The following SEC14L5 variants were observed in gnomAD, a reference collection of about 807,000 sequenced individuals.
SEC14L5 encodes SEC14-like protein 5.
In SEC14L5, 96 loss-of-function variants were observed where a neutral mutation model predicts 84.6. The ratio of observed to expected loss-of-function variants is 1.13; its 90% CI spans 0.96 to 1.34. The LOEUF is 1.34. Among genes scored for constraint, SEC14L5 ranks in the 40% most tolerant of loss-of-function variants. SEC14L5 has a pLI of 0.00. For synonymous variants in SEC14L5, 546 were observed against 383.4 expected (o/e 1.42, Z -4.95); for missense variants, 1,224 against 942.5 (o/e 1.30, Z -3.91).
At chr16:4,977,155 A>G (rs2142489953) in intron 2 of SEC14L5, among the ~76,000 whole-genome samples, 1 of 152,312 alleles carries the variant, frequency 6.6e-6, no homozygotes, top group Admixed American at 6.5e-5. Context: ...ATACAAAAAG[A>G]AACCTGCAGG....
intron 3 of SEC14L5, 102 bp from the exon 4 acceptor site, chr16:4,988,047 C>T: frequency 6.2e-6 from 8 of 1,299,948 alleles, no homozygotes; most frequent in Non-Finnish European, 7.5e-6. Flanking sequence ...ACCTGGGACT[C>T]AGGGCAGGGG....
At chr16:4,987,107 G>T (rs191612173) in intron 2 of SEC14L5, among the ~76,000 whole-genome samples, 1 of 152,182 alleles carries the variant, frequency 6.6e-6, no homozygotes, top group East Asian at 1.9e-4. Flanking sequence ...GATTTTAGGG[G>T]AAAGCACTCA....
intron 15 of SEC14L5, among the ~76,000 whole-genome samples, chr16:5,012,862 T>G (rs980429562): frequency 6.6e-6 from 1 of 151,488 alleles, no homozygotes; most frequent in Non-Finnish European, 1.5e-5. Context: ...GCCACTGCAC[T>G]TCAGCCTTGG....
At chr16:5,003,193 G>C (rs945772835) in intron 10 of SEC14L5, among the ~76,000 whole-genome samples, 3 of 152,266 alleles carry the variant, frequency 2.0e-5, no homozygotes, top group African/African-American at 7.2e-5. Flanking sequence ...AAGGCTCTCA[G>C]GGGTGCAGGT....
intron 12 of SEC14L5, 149 bp downstream of exon 12, chr16:5,006,197 A>T: frequency 1.3e-6 from 1 of 747,442 alleles, no homozygotes. Context: ...GCTGGCTCTC[A>T]GCAGCCACAG....
chr16:4,974,481 G>C (rs527878266), intron 2 of SEC14L5, among the ~76,000 whole-genome samples: 1 of 152,274 alleles, frequency 6.6e-6, no homozygotes, highest in East Asian at 1.9e-4. Flanking sequence ...TGGGATTACA[G>C]GGTGAGCCAC....
chr16:4,961,497 T>A (rs1021608911), intron 2 of SEC14L5, among the ~76,000 whole-genome samples: 1 of 152,010 alleles, frequency 6.6e-6, no homozygotes, highest in African/African-American at 2.4e-5. Context: ...CCCAGGTAAT[T>A]TTTGTATTTT....
Position 4,987,771 on chromosome 16 carries a change from C to T in SEC14L5, c.213+65C>T, listed in dbSNP as rs567459334. 2,352 of 1,246,116 alleles carry T rather than the reference C, an allele frequency of 1.9e-3. 42 individuals carry two copies. The African/African-American group carries it at 0.034, about 18-fold the overall frequency. 77.2% of individuals were successfully genotyped at this position (1,246,116 alleles called of 1,614,324 possible). The stretch of plus-strand genomic sequence containing the variant: ...GTTGCGGAGGTGCGGGAGGGCTGGG[C>T]GCGGGAGCTGGGGACCAGGGCGGCG... On this transcript the variant is annotated intron_variant, in intron 3 of 15. Coordinates refer to ENST00000251170, the MANE Select transcript of SEC14L5 (RefSeq NM_014692.2).
intron 11 of SEC14L5, among the ~76,000 whole-genome samples, chr16:5,005,445 G>A (rs1451156847): frequency 1.3e-5 from 2 of 152,096 alleles, no homozygotes; most frequent in South Asian, 2.1e-4. Flanking sequence ...GTTTCCTTCT[G>A]GGGTGATGAA....
chr16:5,012,066 A>C (rs1012130232), intron 15 of SEC14L5, among the ~76,000 whole-genome samples: 3 of 152,204 alleles, frequency 2.0e-5, no homozygotes, highest in African/African-American at 7.2e-5. Context: ...CTAGACCTCA[A>C]ATTCCAGGTG....
intron 15 of SEC14L5, among the ~76,000 whole-genome samples, chr16:5,013,802 C>G (rs889544755): frequency 6.6e-6 from 1 of 152,110 alleles, no homozygotes; most frequent in Non-Finnish European, 1.5e-5. Flanking sequence ...AAGCAATCCA[C>G]CCACTTCGGC....
chr16:5,014,855 C>T lies in SEC14L5; in HGVS notation c.1980-4C>T. ...GTAACGTGTGCCACGCCCTTCCTCCCCAGGGGCTCCATGTCCAGCCTGGAA... is the reference window on the plus strand; with the variant it reads ...GTAACGTGTGCCACGCCCTTCCTCCTCAGGGGCTCCATGTCCAGCCTGGAA... On this transcript the variant is annotated splice_polypyrimidine_tract_variant and splice_region_variant and intron_variant, in intron 15 of 15. Transcript: ENST00000251170. 1 of 1,612,528 alleles carries T rather than the reference C, an allele frequency of 6.2e-7. No individual in the cohort carries two copies. Among genetic ancestry groups the T allele is most frequent in the Non-Finnish European group, 8.5e-7 (1 of 1,178,774 alleles).
At chr16:4,975,721 G>T (rs552880131) in intron 2 of SEC14L5, among the ~76,000 whole-genome samples, 1 of 152,142 alleles carries the variant, frequency 6.6e-6, no homozygotes, top group Non-Finnish European at 1.5e-5. Flanking sequence ...GTTGGAGGAG[G>T]TGAGTAGATT....
In SEC14L5 at chr16:5,014,856, CA is replaced by C. The variant is rs757752913; in HGVS notation, c.1980-2del. On this transcript the variant is annotated splice_acceptor_variant, in intron 15 of 15. Coordinates refer to ENST00000251170, the MANE Select transcript of SEC14L5 (RefSeq NM_014692.2). LOFTEE classifies it high-confidence loss of function. ...TAACGTGTGCCACGCCCTTCCTCCCCAGGGGCTCCATGTCCAGCCTGGAATC... is the reference window on the plus strand; with the variant it reads ...TAACGTGTGCCACGCCCTTCCTCCCCGGGGCTCCATGTCCAGCCTGGAATC... 6 of 1,612,504 alleles carry C rather than the reference CA, an allele frequency of 3.7e-6. No individual in the cohort carries two copies.
intron 2 of SEC14L5, among the ~76,000 whole-genome samples, chr16:4,986,258 G>A (rs1262923571): frequency 2.0e-5 from 3 of 151,878 alleles, no homozygotes; most frequent in African/African-American, 7.3e-5. Context: ...TTCTGCCTCA[G>A]CTTCCCAAGT....
At chr16:4,998,089 G>GC (rs1380076531) in intron 8 of SEC14L5, among the ~76,000 whole-genome samples, 4 of 141,072 alleles carry the variant, frequency 2.8e-5, no homozygotes, top group East Asian at 2.2e-4. Flanking sequence ...CTGCAACTCC[G>GC]CCCCCCGCCA....
intron 2 of SEC14L5, among the ~76,000 whole-genome samples, chr16:4,972,518 A>T (rs1384592386): frequency 6.6e-6 from 1 of 151,998 alleles, no homozygotes; most frequent in Non-Finnish European, 1.5e-5. Flanking sequence ...GCTATTAACC[A>T]CTATTCTATT....
intron 15 of SEC14L5, among the ~76,000 whole-genome samples, chr16:5,012,541 G>A (rs950455968): frequency 6.6e-6 from 1 of 152,228 alleles, no homozygotes; most frequent in African/African-American, 2.4e-5. Context: ...TCACACCCAA[G>A]TATAACTATG....
rs1168608508 is a variant in SEC14L5, at chr16:5,015,180, A to G, written c.*210A>G. 1.8e-6 allele frequency: 1 copy of G among 569,482 alleles called. No individual in the cohort carries two copies. The highest frequency in any genetic ancestry group is 3.1e-6 in the Non-Finnish European group (1 of 320,548). The allele number at this position is 569,482 out of a possible 1,614,324, so 35.3% of individuals were successfully genotyped here. ...CTCTTGAAATTGCAAGGACAGAACC[A>G]TCTCCTTCCGGCTTCGTGTAAGGAA... On this transcript the variant is annotated 3_prime_UTR_variant, in exon 16 of 16. Coordinates refer to ENST00000251170, the MANE Select transcript of SEC14L5 (RefSeq NM_014692.2).
Sources: gnomAD v4.1 joint callset for allele counts (sites outside exome capture counted in the v4.1 genomes callset) on GRCh38, gnomAD v4.1.1 for gene constraint, MANE v1.5 for transcripts, NCBI Gene and HGNC (gene_info 2026-07-23, HGNC 2026-07-21) for gene names.